The following SPRED2 variants were observed in gnomAD, a reference collection of about 807,000 sequenced individuals.
SPRED2 encodes sprouty related EVH1 domain containing 2.
In SPRED2, 47 loss-of-function variants were observed where a neutral mutation model predicts 43.0. That is an observed-to-expected ratio of 1.09 (90% confidence interval 0.87 to 1.40). SPRED2 has a LOEUF of 1.40. SPRED2 is among the 40% of genes most tolerant of loss of function. The pLI is 0.00. For missense variants in SPRED2, 561 were observed against 586.4 expected (o/e 0.96, Z 0.45); for synonymous variants, 225 against 225.7 (o/e 1.00, Z 0.03).
downstream of SPRED2, among the ~76,000 whole-genome samples, chr2:65,310,496 CACACACACAT>C (rs1673040370): frequency 6.8e-6 from 1 of 146,372 alleles, no homozygotes; most frequent in Non-Finnish European, 1.5e-5. Flanking sequence ...CACACACACA[CACACACACAT>C]ATCCCTGAGG....
chr2:65,333,617 A>C (rs1395572348), intron 3 of SPRED2, among the ~76,000 whole-genome samples: 4 of 152,234 alleles, frequency 2.6e-5, no homozygotes, highest in Non-Finnish European at 5.9e-5. Context: ...AAACATGAAA[A>C]AGCTGTGTTT....
intron 1 of SPRED2, among the ~76,000 whole-genome samples, chr2:65,393,326 C>CTTTTTTTTTTTTTTTTTTTTTT (rs55696467): frequency 1.4e-5 from 2 of 141,692 alleles, no homozygotes; most frequent in African/African-American, 2.6e-5. Context: ...AATCATAAGG[C>CTTTTTTTTTTTTTTTTTTTTTT]TTTTTTTTTT....
In SPRED2 at chr2:65,326,657, A is replaced by AAACC. The variant is rs535525985; in HGVS notation, c.438+5326_438+5329dup. ...TTCATTGTGAAATTAACAACAACAA[A>AAACC]AACCAACCAACCAACCAACCAACCA... is the stretch of plus-strand genomic sequence containing the variant. On this transcript the variant is annotated intron_variant, in intron 4 of 5. Transcript: ENST00000356388. 2.0e-3 allele frequency among the ~76,000 whole-genome samples: 304 copies of AAACC among 152,122 alleles called. 1 individual carries two copies. Among genetic ancestry groups the AAACC allele is most frequent in the African/African-American group, 5.7e-3 (235 of 41,492 alleles).
chr2:65,317,663 T>A (rs1375742082), intron 4 of SPRED2, among the ~76,000 whole-genome samples: 1 of 152,006 alleles, frequency 6.6e-6, no homozygotes, highest in East Asian at 1.9e-4. Context: ...GAAACCCACG[T>A]GTTTATATGG....
At chr2:65,347,855 C>T (rs1357671243) in intron 1 of SPRED2, among the ~76,000 whole-genome samples, 1 of 152,238 alleles carries the variant, frequency 6.6e-6, no homozygotes, top group East Asian at 1.9e-4. Context: ...CAAAATATAT[C>T]CAGGATCCAC....
At chr2:65,363,000 G>GTTTTGT (rs1418946096) in intron 1 of SPRED2, among the ~76,000 whole-genome samples, 1 of 66,984 alleles carries the variant, frequency 1.5e-5, no homozygotes, top group Non-Finnish European at 2.6e-5. Context: ...TGGTCATCAT[G>GTTTTGT]TTTTGTTTTT....
intron 1 of SPRED2, among the ~76,000 whole-genome samples, chr2:65,367,062 G>C (rs17534034): frequency 6.6e-6 from 1 of 152,018 alleles, no homozygotes; most frequent in Non-Finnish European, 1.5e-5. Context: ...AAAGAATTTC[G>C]TCCAAAGTTG....
intron 4 of SPRED2, among the ~76,000 whole-genome samples, chr2:65,326,891 A>G (rs564200665): frequency 1.3e-5 from 2 of 152,240 alleles, no homozygotes; most frequent in East Asian, 3.9e-4. Context: ...CCCAGGCTGG[A>G]GTACAGTGGT....
chr2:65,403,843 A>C (rs551996407), intron 1 of SPRED2, among the ~76,000 whole-genome samples: 31 of 152,290 alleles, frequency 2.0e-4, no homozygotes, highest in African/African-American at 7.2e-4. Context: ...AATTAGGTGA[A>C]TATCATGCTC....
chr2:65,384,571 G>A (rs1675447106), intron 1 of SPRED2, among the ~76,000 whole-genome samples: 1 of 152,180 alleles, frequency 6.6e-6, no homozygotes, highest in South Asian at 2.1e-4. Flanking sequence ...AGCCGGTGTG[G>A]TAGCATAGGG....
intron 3 of SPRED2, chr2:65,332,357 A>C (rs945442178): frequency 3.2e-5 from 8 of 246,424 alleles, no homozygotes; most frequent in African/African-American, 1.2e-4. Context: ...GAGGCTGCCC[A>C]CTCCTCTGAG....
chr2:65,373,916 A>T (rs1490777783), intron 1 of SPRED2: 1 of 152,208 alleles, frequency 6.6e-6, no homozygotes, highest in Non-Finnish European at 1.5e-5. Context: ...TTTTTTCTTC[A>T]TTACAAAAAG....
chr2:65,409,508 A>G (rs1000337263), intron 1 of SPRED2, among the ~76,000 whole-genome samples: 1 of 152,186 alleles, frequency 6.6e-6, no homozygotes, highest in African/African-American at 2.4e-5. Flanking sequence ...GGACAGCACT[A>G]GTCTAAATCC....
chr2:65,400,901 T>C (rs1396098761), intron 1 of SPRED2, among the ~76,000 whole-genome samples: 2 of 152,114 alleles, frequency 1.3e-5, no homozygotes, highest in African/African-American at 4.8e-5. Flanking sequence ...TCTTACAAGA[T>C]TTGGTTGGTA....
chr2:65,423,049 G>A (rs1676470679), intron 1 of SPRED2, among the ~76,000 whole-genome samples: 1 of 152,214 alleles, frequency 6.6e-6, no homozygotes, highest in Non-Finnish European at 1.5e-5. Flanking sequence ...TTACTGGGAT[G>A]TTGATAAATT....
chr2:65,431,424 C>T (rs1341661550), intron 1 of SPRED2, among the ~76,000 whole-genome samples: 1 of 152,002 alleles, frequency 6.6e-6, no homozygotes, highest in Non-Finnish European at 1.5e-5. Context: ...CCGCGCAGCC[C>T]GCGCCTGTCC....
At chr2:65,417,328 C>A (rs749976370) in intron 1 of SPRED2, among the ~76,000 whole-genome samples, 1 of 152,174 alleles carries the variant, frequency 6.6e-6, no homozygotes, top group Non-Finnish European at 1.5e-5. Flanking sequence ...CATCTAAGGA[C>A]CCACCTTCTC....
intron 1 of SPRED2, among the ~76,000 whole-genome samples, chr2:65,400,803 T>A (rs573130901): frequency 3.2e-4 from 48 of 152,286 alleles, no homozygotes; most frequent in Non-Finnish European, 6.3e-4. Flanking sequence ...ACTCCAGCTA[T>A]CCCACCTTCA....
rs1026436934 is a variant in SPRED2 at position 65,432,108 on chromosome 2, T to C, written c.-121A>G. Reference sequence around the variant, plus strand: ...GCCTGATTTGGGGAGGGGGGGCGGCTAGAGATGAAGAGGGCGCCGCAGCAG... The same window carrying C: ...GCCTGATTTGGGGAGGGGGGGCGGCCAGAGATGAAGAGGGCGCCGCAGCAG... On this transcript the variant is annotated 5_prime_UTR_variant, in exon 1 of 6. Transcript: ENST00000356388. 25 of 1,333,218 alleles carry C rather than the reference T, an allele frequency of 1.9e-5. No homozygotes were observed. In the African/African-American group the frequency reaches 3.3e-4, roughly 18 times the overall value. 82.6% of individuals were successfully genotyped at this position (1,333,218 alleles called of 1,614,324 possible).
Sources: allele counts gnomAD v4.1 joint callset (sites outside exome capture counted in the v4.1 genomes callset), GRCh38; gene constraint gnomAD v4.1.1; transcripts MANE v1.5; gene names NCBI Gene and HGNC (gene_info 2026-07-23, HGNC 2026-07-21).